PHACTR4: variants seen among roughly 807,000 people sequenced by gnomAD.
PHACTR4 encodes phosphatase and actin regulator 4.
Under a neutral mutation model 72.7 loss-of-function variants are expected in PHACTR4, and 51 were observed. That is an observed-to-expected ratio of 0.70 (90% confidence interval 0.56 to 0.89). The LOEUF is 0.89. Among genes scored for constraint, PHACTR4 ranks in the 40% least tolerant of loss-of-function variants. The pLI, the probability that PHACTR4 is intolerant of heterozygous loss-of-function variation, is 0.00. For missense variants in PHACTR4, 731 were observed against 861.8 expected (o/e 0.85, Z 1.90); for synonymous variants, 255 against 302.5 (o/e 0.84, Z 1.63).
At chr1:28,478,696 C>T (rs1660080149) in intron 8 of PHACTR4, among the ~76,000 whole-genome samples, 1 of 152,020 alleles carries the variant, frequency 6.6e-6, no homozygotes, top group Non-Finnish European at 1.5e-5. Context: ...CCTCATGATC[C>T]ACCTGCCTTG....
intron 1 of PHACTR4, among the ~76,000 whole-genome samples, chr1:28,377,172 A>G (rs960660735): frequency 2.7e-5 from 4 of 149,896 alleles, no homozygotes; most frequent in Admixed American, 2.0e-4. Context: ...TCCTGAACTC[A>G]GGTGATCCAC....
At chr1:28,448,780 A>AAAAC (rs1553195454) in intron 2 of PHACTR4, among the ~76,000 whole-genome samples, 4 of 134,450 alleles carry the variant, frequency 3.0e-5, no homozygotes, top group African/African-American at 1.4e-4. Context: ...AAAAAAAAAA[A>AAAAC]AAAAACCTGA....
At chr1:28,487,721 TTTG>T (rs1363635825) in intron 9 of PHACTR4, among the ~76,000 whole-genome samples, 65 of 119,384 alleles carry the variant, frequency 5.4e-4, no homozygotes, top group Non-Finnish European at 8.7e-4. Flanking sequence ...ATTGTAGTTT[TTTG>T]TTGTTTTTTT....
At chr1:28,432,371 C>CTTTT (rs112055906) in intron 2 of PHACTR4, among the ~76,000 whole-genome samples, 1 of 135,578 alleles carries the variant, frequency 7.4e-6, no homozygotes, top group African/African-American at 2.7e-5. Context: ...CTCTCTCTCT[C>CTTTT]TTTTTTTTTT....
chr1:28,389,359 C>T (rs1652816365), intron 1 of PHACTR4, among the ~76,000 whole-genome samples: 1 of 151,350 alleles, frequency 6.6e-6, no homozygotes, highest in African/African-American at 2.4e-5. Flanking sequence ...TTGTGGGATA[C>T]CATACTGGTG....
intron 2 of PHACTR4, among the ~76,000 whole-genome samples, chr1:28,421,140 T>C (rs1655481631): frequency 6.6e-6 from 1 of 152,244 alleles, no homozygotes; most frequent in South Asian, 2.1e-4. Flanking sequence ...CTGCATGTCC[T>C]ATCTTATTCA....
chr1:28,494,674 G>C lies in PHACTR4; in HGVS notation c.2093+1583G>C, dbSNP rs1170461960. On this transcript the variant is annotated intron_variant, in intron 13 of 13. Coordinates refer to ENST00000373839, the MANE Select transcript of PHACTR4 (RefSeq NM_001048183.3). ...CTCAAAAAAAGAAAAAGAAGGACCA[G>C]CTTAAGCAAGACGATGGGAGAGAGG... Among the ~76,000 whole-genome samples, 6 of 152,304 alleles carry C rather than the reference G, an allele frequency of 3.9e-5. No homozygotes were observed. The East Asian group carries it at 1.2e-3, about 29-fold the overall frequency.
chr1:28,392,082 T>C (rs1653094731), intron 1 of PHACTR4, among the ~76,000 whole-genome samples: 1 of 152,186 alleles, frequency 6.6e-6, no homozygotes, highest in African/African-American at 2.4e-5. Context: ...TCTGTGGTTT[T>C]AGTTACCCAA....
At chr1:28,384,307 T>C (rs2124159542) in intron 1 of PHACTR4, among the ~76,000 whole-genome samples, 1 of 152,260 alleles carries the variant, frequency 6.6e-6, no homozygotes, top group East Asian at 1.9e-4. Flanking sequence ...TCTTTTTGGC[T>C]GATAGGCTAT....
chr1:28,472,292 T>C (rs1244779545), intron 6 of PHACTR4, among the ~76,000 whole-genome samples: 1 of 152,136 alleles, frequency 6.6e-6, no homozygotes, highest in African/African-American at 2.4e-5. Context: ...CAGTTTGTAG[T>C]ATGATCTTGG....
intron 12 of PHACTR4, 26 bp from the exon 13 acceptor site, chr1:28,492,989 G>T: frequency 6.3e-7 from 1 of 1,582,010 alleles, no homozygotes; most frequent in Non-Finnish European, 8.7e-7. Flanking sequence ...AGAAGAAGCT[G>T]AAACATTTTT....
chr1:28,426,524 C>G (rs1373467079), intron 2 of PHACTR4, among the ~76,000 whole-genome samples: 1 of 151,838 alleles, frequency 6.6e-6, no homozygotes, highest in African/African-American at 2.4e-5. Context: ...ATTAGCCAGG[C>G]GTGGTGGTGG....
intron 1 of PHACTR4, among the ~76,000 whole-genome samples, chr1:28,389,270 TGGAAAATGCAAATTA>T (rs1349604653): frequency 6.6e-6 from 1 of 152,072 alleles, no homozygotes; most frequent in Non-Finnish European, 1.5e-5. Context: ...ACTAATCCTC[TGGAAAATGCAAATTA>T]AAACCACAAT....
intron 1 of PHACTR4, among the ~76,000 whole-genome samples, chr1:28,375,979 G>A (rs1447163222): frequency 1.3e-5 from 2 of 152,032 alleles, no homozygotes; most frequent in African/African-American, 4.8e-5. Flanking sequence ...TGAGGCAGGA[G>A]AATGGCTTGA....
At chr1:28,434,274 G>A (rs762961732) in intron 2 of PHACTR4, among the ~76,000 whole-genome samples, 2 of 151,460 alleles carry the variant, frequency 1.3e-5, no homozygotes, top group African/African-American at 4.9e-5. Flanking sequence ...TCCTCCTTCT[G>A]CAAAAAGTAG....
chr1:28,457,909 T>C, intron 2 of PHACTR4: 1 of 974,862 alleles, frequency 1.0e-6, no homozygotes, highest in Non-Finnish European at 1.2e-6. Flanking sequence ...TTTGGTTGCC[T>C]TCCTGCTGGT....
At chr1:28,438,444 G>A in intron 2 of PHACTR4, 2 of 1,611,818 alleles carry the variant, frequency 1.2e-6, no homozygotes, top group Non-Finnish European at 1.7e-6. Flanking sequence ...AGTAATAGAA[G>A]GCAGAGAAAC....
chr1:28,400,151 T>C (rs1459378683), intron 1 of PHACTR4, among the ~76,000 whole-genome samples: 4 of 152,086 alleles, frequency 2.6e-5, no homozygotes, highest in Non-Finnish European at 5.9e-5. Context: ...GGTGGGCAGA[T>C]CACTTGAGGT....
chr1:28,430,290 C>A (rs1029627301), intron 2 of PHACTR4, among the ~76,000 whole-genome samples: 1 of 152,204 alleles, frequency 6.6e-6, no homozygotes, highest in African/African-American at 2.4e-5. Context: ...TCCCAAAGTG[C>A]TGGGATTACA....
Sources: gnomAD v4.1 joint callset for allele counts (sites outside exome capture counted in the v4.1 genomes callset) on GRCh38, gnomAD v4.1.1 for gene constraint, MANE v1.5 for transcripts, NCBI Gene and HGNC (gene_info 2026-07-23, HGNC 2026-07-21) for gene names.